The following CRTAC1 variants were observed in gnomAD, a reference collection of about 807,000 sequenced individuals.
CRTAC1 encodes the protein cartilage acidic protein 1, also known as acidic secreted protein in cartilage.
A neutral mutation model predicts 67.8 loss-of-function variants in CRTAC1; 37 were observed. That is an observed-to-expected ratio of 0.55 (90% confidence interval 0.42 to 0.72). CRTAC1 has a LOEUF of 0.72. Among genes scored for constraint, CRTAC1 ranks in the 30% least tolerant of loss-of-function variants. CRTAC1 has a pLI of 0.00. For missense variants in CRTAC1, 780 were observed against 931.6 expected (o/e 0.84, Z 2.12); for synonymous variants, 348 against 371.0 (o/e 0.94, Z 0.71).
rs777661634 is a variant in CRTAC1, at chr10:97,896,966, G to A, written c.1159C>T (p.Pro387Ser). ...CCGGGATTGAGCTCCTCGATGAGGG[G>A]GTCTCCGTGCTCTCTACGGATGACG... Reference protein sequence around the residue: ...FRVIRREHGDPLIEELNPGDA... With the variant: ...FRVIRREHGDSLIEELNPGDA... Residue 387 changes from proline to serine, a missense_variant, in exon 9 of 15, where the codon CCC (proline) becomes TCC (serine). Coordinates refer to ENST00000370597, the MANE Select transcript of CRTAC1 (RefSeq NM_018058.7). 6.4e-7 allele frequency: 1 copy of A among 1,560,140 alleles called. No homozygotes were observed. The highest frequency in any genetic ancestry group is 8.7e-7 in the Non-Finnish European group (1 of 1,151,282).
Position 97,916,106 on chromosome 10 carries a change from C to T in CRTAC1, c.715+1394G>A, listed in dbSNP as rs141598443. On this transcript the variant is annotated intron_variant, in intron 5 of 14. Coordinates refer to ENST00000370597, the MANE Select transcript of CRTAC1 (RefSeq NM_018058.7). ...TTTATTCTGTGTCTAGCCTGCTCTCCCAGTCCTTGCCTCCCTTCCACCTTG... is the reference window on the plus strand; with the variant it reads ...TTTATTCTGTGTCTAGCCTGCTCTCTCAGTCCTTGCCTCCCTTCCACCTTG... Among the ~76,000 whole-genome samples, 578 of 152,266 alleles carry T rather than the reference C, an allele frequency of 3.8e-3. 5 individuals carry two copies. The highest frequency in any genetic ancestry group is 0.013 in the African/African-American group (541 of 41,540).
At chr10:97,867,741 A>G (rs1484573340) in intron 14 of CRTAC1, 2 of 150,632 alleles carry the variant, frequency 1.3e-5, no homozygotes, top group East Asian at 2.0e-4. Context: ...GAACTTGCCC[A>G]GCGTGAAGCT....
chr10:97,970,059 C>T (rs938499396), intron 2 of CRTAC1, among the ~76,000 whole-genome samples: 4 of 152,304 alleles, frequency 2.6e-5, no homozygotes, highest in East Asian at 3.9e-4. Flanking sequence ...AGACCTACTC[C>T]TGCTGTCTTT....
At chr10:97,929,678 C>T (rs567448116) in intron 3 of CRTAC1, among the ~76,000 whole-genome samples, 2 of 152,298 alleles carry the variant, frequency 1.3e-5, no homozygotes, top group South Asian at 2.1e-4. Flanking sequence ...GCCACCTATT[C>T]GTCAGGTTGT....
chr10:97,962,562 T>G (rs1193735289), intron 2 of CRTAC1, among the ~76,000 whole-genome samples: 1 of 152,234 alleles, frequency 6.6e-6, no homozygotes, highest in Non-Finnish European at 1.5e-5. Context: ...CTCTGAAGAC[T>G]GGCAGAAACA....
At chr10:98,001,101 C>CAA (rs1258443763) in intron 2 of CRTAC1, among the ~76,000 whole-genome samples, 12 of 152,060 alleles carry the variant, frequency 7.9e-5, no homozygotes, top group Non-Finnish European at 1.8e-4. Flanking sequence ...ATAATGGGTC[C>CAA]GTTCACCAGG....
chr10:97,907,098 C>T (rs1049401541), intron 6 of CRTAC1, among the ~76,000 whole-genome samples: 4 of 152,208 alleles, frequency 2.6e-5, no homozygotes, highest in Non-Finnish European at 5.9e-5. Flanking sequence ...AGTGTCCACT[C>T]TGTCATTCAG....
intron 2 of CRTAC1, among the ~76,000 whole-genome samples, chr10:97,960,168 G>A (rs2051503942): frequency 6.6e-6 from 1 of 152,236 alleles, no homozygotes; most frequent in South Asian, 2.1e-4. Flanking sequence ...AACCTTGCAA[G>A]CAGGTCTTTC....
Position 97,895,120 on chromosome 10 carries a change from A to G in CRTAC1, c.1486+125T>C. On this transcript the variant is annotated intron_variant, in intron 11 of 14. Coordinates refer to ENST00000370597, the MANE Select transcript of CRTAC1 (RefSeq NM_018058.7). This position sits in a 1 kb window ranked among gnomAD's most constrained non-coding sequence, Gnocchi z 4.2. ...TCTCAGAGTAGGGTTTGTCCCCAGT[A>G]GCTGGTGTCCACCATGGCTGTCACA... 2.2e-6 allele frequency: 2 copies of G among 914,120 alleles called. No individual in the cohort carries two copies. The highest frequency in any genetic ancestry group is 3.3e-6 in the Non-Finnish European group (2 of 613,902). The allele number at this position is 914,120 out of a possible 1,614,324, so 56.6% of individuals were successfully genotyped here. A position where few individuals can be genotyped will look rare whatever the true frequency, so the allele number is the denominator to read the frequency against.
At position 97,958,534 on chromosome 10, in the gene CRTAC1, T is replaced by A. The variant is rs931632802; in HGVS notation, c.225-22168A>T. Among the ~76,000 whole-genome samples, 4 of 152,186 alleles carry A rather than the reference T, an allele frequency of 2.6e-5. No individual in the cohort carries two copies. The South Asian group carries it at 6.2e-4, about 24-fold the overall frequency. The stretch of plus-strand genomic sequence containing the variant: ...CAGAAATTTCCCACATTACCCCCCA[T>A]CGTTGACATCCCCTACCAGAGTGGT... On this transcript the variant is annotated intron_variant, in intron 2 of 14. Transcript: ENST00000370597.
At chr10:97,930,126 A>G (rs11189447) in intron 3 of CRTAC1, among the ~76,000 whole-genome samples, 123,775 of 152,154 alleles carry the variant, frequency 0.81, 51,443 homozygotes, top group Non-Finnish European at 0.89. Context: ...CATTTCACAG[A>G]AAGAAACAGG....
chr10:97,996,760 T>C (rs1391042671), intron 2 of CRTAC1, among the ~76,000 whole-genome samples: 2 of 152,222 alleles, frequency 1.3e-5, no homozygotes, highest in Non-Finnish European at 2.9e-5. Context: ...TTATAAATCA[T>C]GCTGCTATAA....
At chr10:97,904,873 C>T (rs992983508) in intron 6 of CRTAC1, 59 bp from the exon 7 acceptor site, 1 of 1,503,356 alleles carries the variant, frequency 6.7e-7, no homozygotes, top group Non-Finnish European at 8.8e-7. Flanking sequence ...CACAAACACT[C>T]ACCCTGCTCT....
At chr10:97,921,252 G>C (rs1440079726) in intron 4 of CRTAC1, among the ~76,000 whole-genome samples, 3 of 152,148 alleles carry the variant, frequency 2.0e-5, no homozygotes, top group Admixed American at 2.0e-4. Context: ...CCACTGACCA[G>C]GTAGCTAGAT....
intron 2 of CRTAC1, among the ~76,000 whole-genome samples, chr10:97,939,716 G>A (rs1469163002): frequency 6.6e-6 from 1 of 152,028 alleles, no homozygotes; most frequent in African/African-American, 2.4e-5. Context: ...ACCATCCCCT[G>A]AGTGTGCTCT....
At chr10:98,022,383 G>GAAAT (rs1215968986) in intron 1 of CRTAC1, among the ~76,000 whole-genome samples, 1 of 151,296 alleles carries the variant, frequency 6.6e-6, no homozygotes, top group Non-Finnish European at 1.5e-5. Flanking sequence ...AAGAAAGAAA[G>GAAAT]AAAAAATAAA....
intron 4 of CRTAC1, among the ~76,000 whole-genome samples, chr10:97,922,423 G>GC (rs2050854183): frequency 6.6e-6 from 1 of 152,210 alleles, no homozygotes; most frequent in South Asian, 2.1e-4. Context: ...TCTTGCCCCT[G>GC]CCCCCAGAAT....
intron 2 of CRTAC1, among the ~76,000 whole-genome samples, chr10:97,989,301 T>C (rs1842388834): frequency 6.6e-6 from 1 of 152,208 alleles, no homozygotes; most frequent in African/African-American, 2.4e-5. Context: ...CAGAGTCATA[T>C]GTAAACAACT....
Position 97,884,290 on chromosome 10 carries a change from G to A in CRTAC1, c.1548C>T (p.Asn516=), listed in dbSNP as rs374350424. The A allele has an allele frequency of 1.3e-5, 20 of 1,555,256 alleles. No individual in the cohort carries two copies. Among genetic ancestry groups the A allele is most frequent in the African/African-American group, 5.5e-5 (4 of 73,250 alleles). The part of the protein sequence containing the change: ...TWPDGKMVSR[N]VASGEMNSVL... Reference sequence around the variant, plus strand: ...CTGAGTTCATCTCCCCGCTGGCCACGTTCCGGCTCACCATCTTGCCATCTG... The same window carrying A: ...CTGAGTTCATCTCCCCGCTGGCCACATTCCGGCTCACCATCTTGCCATCTG... The change falls in exon 12 of 15, where the codon AAC becomes AAT. Residue 516 remains asparagine, a synonymous_variant. Transcript: ENST00000370597.
Sources: gnomAD v4.1 joint callset for allele counts (sites outside exome capture counted in the v4.1 genomes callset) on GRCh38, gnomAD v4.1.1 for gene constraint, Gnocchi (gnomAD v3.1) non-coding constraint, MANE v1.5 for transcripts, NCBI Gene and HGNC (gene_info 2026-07-23, HGNC 2026-07-21) for gene names.